Variants in ANKFN1 observed in about 807,000 individuals in gnomAD.
ANKFN1 encodes the protein ankyrin repeat and fibronectin type-III domain-containing protein 1.
A neutral mutation model predicts 108.7 loss-of-function variants in ANKFN1; 74 were observed. The observed-to-expected ratio is 0.68, with a 90% CI of 0.56 to 0.83. The LOEUF (loss-of-function observed/expected upper bound fraction) is 0.83, where lower values mean the gene tolerates loss of function less well. Among genes scored for constraint, ANKFN1 ranks in the 40% least tolerant of loss-of-function variants. The pLI, the probability that ANKFN1 is intolerant of heterozygous loss-of-function variation, is 0.00. For synonymous variants in ANKFN1, 547 were observed against 516.2 expected (o/e 1.06, Z -0.81); for missense variants, 1,505 against 1,382.3 (o/e 1.09, Z -1.41).
intron 4 of ANKFN1, among the ~76,000 whole-genome samples, chr17:56,079,193 C>T (rs750760100): frequency 1.3e-5 from 2 of 152,166 alleles, no homozygotes; most frequent in East Asian, 1.9e-4. Flanking sequence ...CCCGAGGAGG[C>T]CTTTCATGCC....
intron 7 of ANKFN1, among the ~76,000 whole-genome samples, chr17:56,373,744 C>T (rs373279718): frequency 5.3e-5 from 8 of 152,358 alleles, no homozygotes; most frequent in African/African-American, 1.9e-4. Flanking sequence ...AACATCAACA[C>T]TCTCCAGCAA....
intron 3 of ANKFN1, among the ~76,000 whole-genome samples, chr17:56,317,857 C>G (rs1429400450): frequency 6.6e-6 from 1 of 152,170 alleles, no homozygotes; most frequent in Non-Finnish European, 1.5e-5. Flanking sequence ...TTGGCAATAT[C>G]TCCTGATATG....
At chr17:56,176,616 GAC>G (rs2143599967) in intron 1 of ANKFN1, among the ~76,000 whole-genome samples, 1 of 152,190 alleles carries the variant, frequency 6.6e-6, no homozygotes, top group East Asian at 1.9e-4. Flanking sequence ...GCCCTCAAAA[GAC>G]ATTAAATGAG....
At chr17:56,178,802 A>G (rs2143613270) in intron 1 of ANKFN1, among the ~76,000 whole-genome samples, 1 of 152,320 alleles carries the variant, frequency 6.6e-6, no homozygotes, top group Admixed American at 6.5e-5. Flanking sequence ...TGGACATCAT[A>G]AAGCATTTGA....
At chr17:56,124,660 C>T (rs1039900073) in intron 4 of ANKFN1, among the ~76,000 whole-genome samples, 7 of 152,204 alleles carry the variant, frequency 4.6e-5, no homozygotes, top group Non-Finnish European at 8.8e-5. Context: ...GAACAACTCT[C>T]ATTACTTTTC....
At chr17:56,308,368 A>G (rs370514297) in intron 3 of ANKFN1, among the ~76,000 whole-genome samples, 44 of 152,208 alleles carry the variant, frequency 2.9e-4, no homozygotes, top group African/African-American at 1.0e-3. Flanking sequence ...ACTAGTATAC[A>G]TAAATACAAT....
intron 8 of ANKFN1, among the ~76,000 whole-genome samples, chr17:56,421,004 G>A (rs530935650): frequency 6.6e-6 from 1 of 152,260 alleles, no homozygotes; most frequent in African/African-American, 2.4e-5. Flanking sequence ...CACTGGGTCC[G>A]GCCGACTCCT....
At chr17:56,154,243 A>C (rs1287228470) in intron 1 of ANKFN1, among the ~76,000 whole-genome samples, 2 of 152,188 alleles carry the variant, frequency 1.3e-5, no homozygotes, top group Non-Finnish European at 2.9e-5. Context: ...GGTTTCTACA[A>C]TAATTCAGAA....
intron 8 of ANKFN1, among the ~76,000 whole-genome samples, chr17:56,411,925 T>C (rs1266242679): frequency 1.3e-5 from 2 of 152,234 alleles, no homozygotes; most frequent in Non-Finnish European, 1.5e-5. Context: ...TCTATATTCA[T>C]CAGGGACATT....
At chr17:56,409,320 T>G (rs556900117) in intron 8 of ANKFN1, among the ~76,000 whole-genome samples, 15 of 152,228 alleles carry the variant, frequency 9.9e-5, no homozygotes, top group Non-Finnish European at 1.9e-4. Context: ...AATCTCATCC[T>G]GGGACTGTTT....
chr17:56,244,167 A>G (rs1188382119), intron 3 of ANKFN1, among the ~76,000 whole-genome samples: 1 of 152,154 alleles, frequency 6.6e-6, no homozygotes, highest in East Asian at 1.9e-4. Flanking sequence ...CTCTACTCAT[A>G]TCTTGTAAAC....
At chr17:56,129,487 T>TA (rs11285113) in intron 4 of ANKFN1, among the ~76,000 whole-genome samples, 8,048 of 146,108 alleles carry the variant, frequency 0.055, 689 homozygotes, top group African/African-American at 0.19. Flanking sequence ...AACCACTCCA[T>TA]AAAAAAAAAA....
intron 8 of ANKFN1, among the ~76,000 whole-genome samples, chr17:56,438,524 T>G (rs957375729): frequency 5.9e-5 from 9 of 152,168 alleles, no homozygotes; most frequent in Non-Finnish European, 1.0e-4. Flanking sequence ...ATAAAATCAT[T>G]CAATCTTCAT....
intron 2 of ANKFN1, among the ~76,000 whole-genome samples, chr17:56,226,977 CT>C (rs1916325937): frequency 6.6e-6 from 1 of 152,006 alleles, no homozygotes; most frequent in Non-Finnish European, 1.5e-5. Context: ...AATGGTAGAG[CT>C]TGGAAAAACA....
chr17:56,278,170 C>T (rs2043982665), intron 3 of ANKFN1, among the ~76,000 whole-genome samples: 1 of 152,216 alleles, frequency 6.6e-6, no homozygotes, highest in Non-Finnish European at 1.5e-5. Flanking sequence ...TTATATCTCA[C>T]ATTGAATGAA....
chr17:56,424,856 TC>T (rs2048510389), intron 8 of ANKFN1, among the ~76,000 whole-genome samples: 2 of 152,188 alleles, frequency 1.3e-5, no homozygotes, highest in African/African-American at 4.8e-5. Flanking sequence ...GATGAAAGCA[TC>T]CCCAAAAAAA....
At chr17:56,400,889 G>A (rs748088688) in intron 8 of ANKFN1, among the ~76,000 whole-genome samples, 1 of 152,014 alleles carries the variant, frequency 6.6e-6, no homozygotes, top group Non-Finnish European at 1.5e-5. Flanking sequence ...TCAAAAATCG[G>A]TTGGCTGTAA....
chr17:56,060,666 T>C (rs145632321), intron 4 of ANKFN1, among the ~76,000 whole-genome samples: 5,009 of 152,272 alleles, frequency 0.033, 263 homozygotes, highest in African/African-American at 0.11. Context: ...ATCAAAGGCC[T>C]TTTCTACATC....
At chr17:56,406,633 T>A (rs925071020) in intron 8 of ANKFN1, among the ~76,000 whole-genome samples, 1 of 152,178 alleles carries the variant, frequency 6.6e-6, no homozygotes, top group Non-Finnish European at 1.5e-5. Context: ...AATTATTGAA[T>A]GAAAAATACA....
Sources: allele counts gnomAD v4.1 joint callset (sites outside exome capture counted in the v4.1 genomes callset), GRCh38; gene constraint gnomAD v4.1.1; transcripts MANE v1.5; gene names NCBI Gene and HGNC (gene_info 2026-07-23, HGNC 2026-07-21).